DOCK7: variants seen among roughly 807,000 people sequenced by gnomAD.
DOCK7 encodes dedicator of cytokinesis 7.
In DOCK7, 138 loss-of-function variants were observed where a neutral mutation model predicts 271.0. The observed-to-expected ratio is 0.51, with a 90% CI of 0.44 to 0.59. The LOEUF (loss-of-function observed/expected upper bound fraction) is 0.59, where lower values mean the gene tolerates loss of function less well. Ranked by LOEUF, DOCK7 falls within the 20% of genes least tolerant of loss-of-function variation. DOCK7 has a pLI of 0.00. For synonymous variants in DOCK7, 823 were observed against 876.1 expected (o/e 0.94, Z 1.07); for missense variants, 2,066 against 2,592.4 (o/e 0.80, Z 4.41).
At chr1:62,612,811 C>T (rs1651958041) in intron 14 of DOCK7, among the ~76,000 whole-genome samples, 1 of 152,134 alleles carries the variant, frequency 6.6e-6, no homozygotes, top group East Asian at 1.9e-4. Flanking sequence ...CTTAGTAACG[C>T]ACCATGTTTG....
intron 33 of DOCK7, chr1:62,511,152 C>T (rs774442571): frequency 1.3e-5 from 2 of 152,956 alleles, no homozygotes; most frequent in Non-Finnish European, 2.9e-5. Flanking sequence ...AGGCCTCCCA[C>T]TCTCCAATAC....
intron 1 of DOCK7, 45 bp from the exon 2 acceptor site, chr1:62,663,175 A>T: frequency 6.9e-7 from 1 of 1,446,704 alleles, no homozygotes; most frequent in Non-Finnish European, 9.5e-7. Flanking sequence ...GAAAAAAAAA[A>T]AAACTAAACT....
In DOCK7 at chr1:62,474,008, T is replaced by A. The variant is rs2149256531; in HGVS notation, c.6186A>T (p.Arg2062=). ...TTTTAGTAAAATCTTTAAAGCAGAG[T>A]CGCAGTTTATTATGATGTCTGAAGA... ...PKLFRHHNKL[R]LCFKDFTKRC... The change falls in exon 48 of 50, where the codon CGA becomes CGT. Residue 2062 remains arginine, a synonymous_variant. Transcript: ENST00000635253. The A allele has an allele frequency of 1.2e-6, 2 of 1,613,786 alleles. No individual in the cohort carries two copies. Among genetic ancestry groups the A allele is most frequent in the Non-Finnish European group, 1.7e-6 (2 of 1,179,874 alleles).
intron 1 of DOCK7, among the ~76,000 whole-genome samples, chr1:62,669,579 G>A (rs1158695913): frequency 6.6e-6 from 1 of 152,204 alleles, no homozygotes; most frequent in Admixed American, 6.5e-5. Context: ...AACTCTAGTG[G>A]CATTTTTCTA....
chr1:62,515,284 T>C (rs545906691), intron 31 of DOCK7, among the ~76,000 whole-genome samples: 2 of 152,082 alleles, frequency 1.3e-5, no homozygotes, highest in Non-Finnish European at 2.9e-5. Context: ...CCCATGCATA[T>C]AAGTGAATTC....
chr1:62,597,700 T>C (rs746743905), intron 14 of DOCK7: 1 of 1,613,560 alleles, frequency 6.2e-7, no homozygotes, highest in Admixed American at 1.7e-5. Flanking sequence ...GATGTAAAAA[T>C]TTTAGCCAAT....
Position 62,474,025 on chromosome 1 carries a change from G to C in DOCK7, c.6169C>G (p.His2057Asp). 6.2e-7 allele frequency: 1 copy of C among 1,614,012 alleles called. No individual in the cohort carries two copies. Among genetic ancestry groups the C allele is most frequent in the South Asian group, 1.1e-5 (1 of 91,054 alleles). Residue 2057 changes from histidine (H) to aspartate (D), a missense_variant, in exon 48 of 50, where the codon CAT (histidine) becomes GAT (aspartate). By Grantham distance (81) the His-to-Asp change is moderately conservative. Around this residue, in one of 2 missense-constraint regions of DOCK7, gnomAD observed 652 missense variants for 922.1 expected, o/e 0.71. Transcript: ENST00000635253. ...EIPSDPKLFR[H>D]HNKLRLCFKD... is the part of the protein sequence containing the mutation. ...AAGCAGAGTCGCAGTTTATTATGAT[G>C]TCTGAAGAGCTTTGGGTCACTAGGT...
intron 43 of DOCK7, chr1:62,484,153 T>C (rs1196795018): frequency 6.6e-6 from 1 of 152,110 alleles, no homozygotes; most frequent in East Asian, 1.9e-4. Context: ...TCTGAACATA[T>C]AAAAACCAAA....
At position 62,542,501 on chromosome 1, in the gene DOCK7, G is replaced by T; in HGVS notation, c.3045+107C>A. ...TTTTGTCTTAGAGGCACATGGAAAA[G>T]CGTTAAGATGTGCAACAGAAAAAGA... On this transcript the variant is annotated intron_variant, in intron 25 of 49. Transcript: ENST00000635253. 3 of 1,072,248 alleles carry T rather than the reference G, an allele frequency of 2.8e-6. No homozygotes were observed. In the South Asian group the frequency reaches 4.9e-5, roughly 17 times the overall value. The allele number at this position is 1,072,248 out of a possible 1,614,324, so 66.4% of individuals were successfully genotyped here. A position where few individuals can be genotyped will look rare whatever the true frequency, so the allele number is the denominator to read the frequency against.
At chr1:62,621,316 T>C (rs564781244) in intron 12 of DOCK7, among the ~76,000 whole-genome samples, 3 of 152,330 alleles carry the variant, frequency 2.0e-5, no homozygotes, top group East Asian at 3.9e-4. Flanking sequence ...AAATTACCCA[T>C]AGCCGATTAA....
intron 7 of DOCK7, among the ~76,000 whole-genome samples, chr1:62,637,278 T>G (rs1302739342): frequency 6.6e-6 from 1 of 152,232 alleles, no homozygotes. Flanking sequence ...GTATACTTAA[T>G]TGAGATGTCT....
chr1:62,597,633 A>C (rs1649455233), intron 14 of DOCK7: 2 of 1,613,246 alleles, frequency 1.2e-6, no homozygotes, highest in Non-Finnish European at 1.7e-6. Context: ...TGATCAAGAC[A>C]ATTCATCATT....
At chr1:62,625,519 G>T in intron 11 of DOCK7, 118 bp from the exon 12 acceptor site, 1 of 987,552 alleles carries the variant, frequency 1.0e-6, no homozygotes, top group Non-Finnish European at 1.5e-6. Context: ...AGCATATCAA[G>T]TATAGTAGGA....
At chr1:62,652,924 T>C (rs972597767) in intron 4 of DOCK7, among the ~76,000 whole-genome samples, 5 of 152,168 alleles carry the variant, frequency 3.3e-5, no homozygotes, top group African/African-American at 1.2e-4. Context: ...CCCAGAGTGA[T>C]ATTTAGCACA....
chr1:62,658,185 G>T (rs1658250853), intron 2 of DOCK7, among the ~76,000 whole-genome samples: 1 of 151,994 alleles, frequency 6.6e-6, no homozygotes, highest in Non-Finnish European at 1.5e-5. Flanking sequence ...CAGGTGCAGT[G>T]GCTCACACCT....
chr1:62,623,174 C>G (rs1480435701), intron 12 of DOCK7, among the ~76,000 whole-genome samples: 1 of 152,174 alleles, frequency 6.6e-6, no homozygotes, highest in Non-Finnish European at 1.5e-5. Context: ...CCTTCTGTGT[C>G]TCATTTAGGG....
chr1:62,532,769 G>A (rs555190116), intron 29 of DOCK7, among the ~76,000 whole-genome samples: 2 of 152,306 alleles, frequency 1.3e-5, no homozygotes, highest in African/African-American at 4.8e-5. Context: ...TGCTTCAAGA[G>A]GAGAAAAATC....
At chr1:62,665,324 GTATT>G (rs1659167553) in intron 1 of DOCK7, among the ~76,000 whole-genome samples, 1 of 152,000 alleles carries the variant, frequency 6.6e-6, no homozygotes, top group South Asian at 2.1e-4. Flanking sequence ...TATAATGTGA[GTATT>G]CATTATTATG....
rs961055548 is a variant in DOCK7 at position 62,528,179 on chromosome 1, C to T, written c.3908G>A (p.Arg1303Lys). 6.2e-7 allele frequency: 1 copy of T among 1,612,726 alleles called. No homozygotes were observed. The highest frequency in any genetic ancestry group is 8.5e-7 in the Non-Finnish European group (1 of 1,179,434). The part of the protein sequence containing the change: ...IAGTSVPQLT[R>K]PGSFLLTSTS... ...TGACGTGAGGAGGAAACTGCCAGGC[C>T]TTGTTAGTTGAGGGACCGATGTCCC... is the stretch of plus-strand genomic sequence containing the variant. The change falls in exon 31 of 50, where the codon AGG becomes AAG. Residue 1303 changes from arginine to lysine, a missense_variant. Around this residue, in one of 2 missense-constraint regions of DOCK7, gnomAD observed 1,414 missense variants for 1,670.4 expected, o/e 0.85. Transcript: ENST00000635253.
Sources: allele counts gnomAD v4.1 joint callset (sites outside exome capture counted in the v4.1 genomes callset), GRCh38; gene constraint gnomAD v4.1.1; regional missense constraint gnomAD v4.1.1; transcripts MANE v1.5; gene names NCBI Gene and HGNC (gene_info 2026-07-23, HGNC 2026-07-21).